The following IMMP2L variants were observed in gnomAD, a reference collection of about 807,000 sequenced individuals.
The protein encoded by IMMP2L is mitochondrial inner membrane protease subunit 2.
In IMMP2L, 18 loss-of-function variants were observed where a neutral mutation model predicts 19.3. The observed-to-expected ratio is 0.93, with a 90% confidence interval of 0.64 to 1.38. IMMP2L has a LOEUF of 1.38. IMMP2L is among the 40% of genes most tolerant of loss of function. The pLI, the probability that IMMP2L is intolerant of heterozygous loss-of-function variation, is 0.00. For synonymous variants in IMMP2L, 76 were observed against 73.0 expected (o/e 1.04, Z -0.21); for missense variants, 233 against 218.2 (o/e 1.07, Z -0.43).
chr7:111,033,077 G>A (rs1790995954), intron 3 of IMMP2L, among the ~76,000 whole-genome samples: 1 of 151,856 alleles, frequency 6.6e-6, no homozygotes, highest in Non-Finnish European at 1.5e-5. Context: ...CTGAGATCGT[G>A]CCACTGCACT....
At chr7:111,481,598 GT>G (rs544344184) in intron 3 of IMMP2L, among the ~76,000 whole-genome samples, 5,985 of 145,806 alleles carry the variant, frequency 0.041, 399 homozygotes, top group African/African-American at 0.14. Context: ...AAAATATTAT[GT>G]TTTTTTTTTT....
chr7:110,814,478 T>A (rs918084586), intron 5 of IMMP2L, among the ~76,000 whole-genome samples: 3 of 150,904 alleles, frequency 2.0e-5, no homozygotes, highest in Non-Finnish European at 4.4e-5. Context: ...GTATTAATTA[T>A]TAATAATAGG....
In IMMP2L at chr7:111,211,305, C is replaced by T. The variant is rs539031477; in HGVS notation, c.240-247740G>A. ...ATAGCTGGGAGGAAATGACTCTATG[C>T]GGAACTACAAAAGCAAAGTGTGGAA... is the stretch of plus-strand genomic sequence containing the variant. On this transcript the variant is annotated intron_variant, in intron 3 of 5. Coordinates refer to ENST00000405709, the MANE Select transcript of IMMP2L (RefSeq NM_032549.4). Among the ~76,000 whole-genome samples, 6 of 151,820 alleles carry T rather than the reference C, an allele frequency of 4.0e-5. No homozygotes were observed. In the South Asian group the frequency reaches 8.4e-4, roughly 21 times the overall value.
chr7:110,743,875 T>C (rs1030357920), intron 5 of IMMP2L, among the ~76,000 whole-genome samples: 1 of 151,842 alleles, frequency 6.6e-6, no homozygotes, highest in South Asian at 2.1e-4. Flanking sequence ...TTTTTTTTCA[T>C]GTCACAGTGG....
intron 3 of IMMP2L, among the ~76,000 whole-genome samples, chr7:110,983,398 T>A (rs559938559): frequency 6.6e-6 from 1 of 152,188 alleles, no homozygotes; most frequent in African/African-American, 2.4e-5. Flanking sequence ...TTCTGTAATG[T>A]CACTTTTATA....
intron 3 of IMMP2L, among the ~76,000 whole-genome samples, chr7:111,171,922 G>GC (rs1038707214): frequency 4.5e-4 from 7 of 15,694 alleles, no homozygotes; most frequent in Non-Finnish European, 2.6e-3. Context: ...GATGTGGTTA[G>GC]GGGTGAAGAA....
At chr7:111,256,469 C>T (rs913777949) in intron 3 of IMMP2L, among the ~76,000 whole-genome samples, 1 of 152,024 alleles carries the variant, frequency 6.6e-6, no homozygotes, top group Non-Finnish European at 1.5e-5. Flanking sequence ...TGGAAACCAA[C>T]TCCAAATGAA....
chr7:110,754,332 C>T (rs1025787987), intron 5 of IMMP2L, among the ~76,000 whole-genome samples: 3 of 151,834 alleles, frequency 2.0e-5, no homozygotes, highest in East Asian at 3.9e-4. Context: ...CATAGATGAC[C>T]GGGGTTAACT....
rs957239946 is a variant in IMMP2L at position 110,728,449 on chromosome 7, T to C, written c.409-64728A>G. On this transcript the variant is annotated intron_variant, in intron 5 of 5. Transcript: ENST00000405709. The surrounding 1 kb of genome is among the most constrained non-coding windows in gnomAD (Gnocchi z 4.6). ...GGGAGGCAGAGGTTGCAGTGAGCCA[T>C]TATCACATCACTGTACTCCAGCCTG... Among the ~76,000 whole-genome samples the C allele has an allele frequency of 6.6e-6, 1 of 151,858 alleles. No homozygotes were observed. The highest frequency in any genetic ancestry group is 2.4e-5 in the African/African-American group (1 of 41,320).
chr7:110,943,406 T>C (rs1009836369), intron 4 of IMMP2L, among the ~76,000 whole-genome samples: 1 of 152,044 alleles, frequency 6.6e-6, no homozygotes, highest in African/African-American at 2.4e-5. Context: ...AAATATTTGT[T>C]TCCCATCCCT....
chr7:111,068,484 A>G (rs1007486202), intron 3 of IMMP2L, among the ~76,000 whole-genome samples: 1 of 152,164 alleles, frequency 6.6e-6, no homozygotes, highest in Non-Finnish European at 1.5e-5. Context: ...ATATTTTGCA[A>G]AACAGTACTG....
rs903408424 is a variant in IMMP2L at position 110,728,936 on chromosome 7, G to C, written c.409-65215C>G. 1.3e-5 allele frequency among the ~76,000 whole-genome samples: 2 copies of C among 152,080 alleles called. No individual in the cohort carries two copies. Among genetic ancestry groups the C allele is most frequent in the African/African-American group, 4.8e-5 (2 of 41,388 alleles). On this transcript the variant is annotated intron_variant, in intron 5 of 5. Transcript: ENST00000405709. The surrounding 1 kb of genome is among the most constrained non-coding windows in gnomAD (Gnocchi z 4.6). ...TTTGTTTTGTTTTGTTTTCACCCAG[G>C]CTGGACTGCAATGGCGCGATCTCAG...
chr7:111,423,103 T>C (rs1014074443), intron 3 of IMMP2L, among the ~76,000 whole-genome samples: 5 of 151,894 alleles, frequency 3.3e-5, no homozygotes, highest in Non-Finnish European at 7.4e-5. Context: ...CTTGATGTGC[T>C]GCTGGATTTG....
chr7:110,742,037 A>C (rs1394265054), intron 5 of IMMP2L, among the ~76,000 whole-genome samples: 9 of 152,316 alleles, frequency 5.9e-5, no homozygotes. Flanking sequence ...AGAAAGCTGG[A>C]CTAATATTGA....
chr7:110,738,175 C>T (rs1337237407), intron 5 of IMMP2L, among the ~76,000 whole-genome samples: 2 of 152,154 alleles, frequency 1.3e-5, no homozygotes, highest in Non-Finnish European at 2.9e-5. Context: ...AAAGATCACA[C>T]CAGCTCACCA....
At chr7:111,130,166 T>C (rs1801710179) in intron 3 of IMMP2L, among the ~76,000 whole-genome samples, 1 of 152,146 alleles carries the variant, frequency 6.6e-6, no homozygotes, top group Non-Finnish European at 1.5e-5. Flanking sequence ...AAATAAGCCA[T>C]AGAGCATATA....
chr7:111,070,027 A>G (rs1794819215), intron 3 of IMMP2L, among the ~76,000 whole-genome samples: 1 of 152,188 alleles, frequency 6.6e-6, no homozygotes, highest in African/African-American at 2.4e-5. Flanking sequence ...GATAAATATT[A>G]TCCAGAACCT....
In IMMP2L at chr7:111,117,137, A is replaced by G. The variant is rs549088828; in HGVS notation, c.240-153572T>C. ...AATGACTAAAATTCACTGATCCTAA[A>G]TTTGTTAATGGCATGGGACTAGAGT... On this transcript the variant is annotated intron_variant, in intron 3 of 5. Coordinates refer to ENST00000405709, the MANE Select transcript of IMMP2L (RefSeq NM_032549.4). Among the ~76,000 whole-genome samples, 15 of 152,258 alleles carry G rather than the reference A, an allele frequency of 9.9e-5. No homozygotes were observed. In the South Asian group the frequency reaches 2.5e-3, roughly 25 times the overall value.
At chr7:110,836,874 A>G (rs1030137078) in intron 5 of IMMP2L, among the ~76,000 whole-genome samples, 12 of 152,160 alleles carry the variant, frequency 7.9e-5, no homozygotes, top group Admixed American at 3.3e-4. Context: ...ACTAATAAGG[A>G]TCCCCAGGGT....
Sources: allele counts gnomAD v4.1 joint callset (sites outside exome capture counted in the v4.1 genomes callset), GRCh38; gene constraint gnomAD v4.1.1; non-coding constraint Gnocchi (gnomAD v3.1); transcripts MANE v1.5; gene names NCBI Gene and HGNC (gene_info 2026-07-23, HGNC 2026-07-21).